The following CST7 variants were observed in gnomAD, a reference collection of about 807,000 sequenced individuals.
The protein encoded by CST7 is cystatin-F.
A neutral mutation model predicts 13.1 loss-of-function variants in CST7; 15 were observed. That is an observed-to-expected ratio of 1.14 (90% CI 0.77 to 1.76). The LOEUF (loss-of-function observed/expected upper bound fraction) is 1.76, where lower values mean the gene tolerates loss of function less well. CST7 is among the 40% of genes most tolerant of loss of function. The probability of loss-of-function intolerance (pLI) is 0.00; values close to 1 mark genes in which losing one functional copy is unlikely to be tolerated. For missense variants in CST7, 193 were observed against 178.8 expected, an observed-to-expected ratio of 1.08 and a Z score of -0.45; for synonymous variants, 75 against 66.9, an observed-to-expected ratio of 1.12 and a Z score of -0.59.
In CST7 at chr20:24,959,622, TTC is replaced by T. The variant is rs763418462; in HGVS notation, c.361-9_361-8del. On this transcript the variant is annotated splice_polypyrimidine_tract_variant and intron_variant, in intron 3 of 3. Transcript: ENST00000480798. ...AAAGTCTAAGCTCTCAGGTGTGCCC[TTC>T]TCTGTTTCAGACTCTGAGCTGCTAC... 4 of 1,613,892 alleles carry T rather than the reference TTC, an allele frequency of 2.5e-6. No homozygotes were observed. The highest frequency in any genetic ancestry group is 1.3e-5 in the African/African-American group (1 of 74,942).
intron 2 of CST7, among the ~76,000 whole-genome samples, chr20:24,958,600 A>C (rs1201983146): frequency 6.6e-6 from 1 of 152,204 alleles, no homozygotes; most frequent in African/African-American, 2.4e-5. Context: ...CACAAGAAAC[A>C]GCCATCATGG....
chr20:24,956,887 T>C (rs2087858288), intron 1 of CST7, among the ~76,000 whole-genome samples: 1 of 150,094 alleles, frequency 6.7e-6, no homozygotes, highest in Admixed American at 6.6e-5. Context: ...ACGTTGGAAA[T>C]AACCCTGGGT....
intron 3 of CST7, 120 bp downstream of exon 3, chr20:24,959,164 G>A: frequency 3.8e-6 from 3 of 790,420 alleles, no homozygotes; most frequent in Admixed American, 4.1e-5. Context: ...CACCCCTGAG[G>A]AAGCCAGGCC....
At chr20:24,956,138 C>A (rs1254503970) in intron 1 of CST7, among the ~76,000 whole-genome samples, 5 of 152,310 alleles carry the variant, frequency 3.3e-5, no homozygotes, top group Admixed American at 2.6e-4. Context: ...CGGCGCTGCA[C>A]CACCCAGCCT....
rs45470396 is a variant in CST7 at position 24,949,527 on chromosome 20, C to T, written c.22C>T (p.Leu8=). 3.3e-4 allele frequency: 534 copies of T among 1,614,146 alleles called. 2 individuals carry two copies. The highest frequency in any genetic ancestry group is 6.8e-4 in the Admixed American group (41 of 60,024). Residue 8 remains leucine, a synonymous_variant, in exon 1 of 4, where the codon CTG becomes TTG. Coordinates refer to ENST00000480798, the MANE Select transcript of CST7 (RefSeq NM_003650.4). ...AGCCATGCGAGCGGCTGGAACTCTG[C>T]TGGCCTTCTGCTGCCTGGTCTTGAG... MRAAGTL[L]AFCCLVLSTT...
chr20:24,955,886 G>C (rs1195488761), intron 1 of CST7, among the ~76,000 whole-genome samples: 2 of 152,202 alleles, frequency 1.3e-5, no homozygotes, highest in African/African-American at 4.8e-5. Context: ...ATTCTCTATG[G>C]GGTGGGGCAC....
rs779236038 is a variant in CST7 at position 24,954,666 on chromosome 20, CAT to C, written c.71-2620_71-2619del. On this transcript the variant is annotated intron_variant, in intron 1 of 3. Coordinates refer to ENST00000480798, the MANE Select transcript of CST7 (RefSeq NM_003650.4). Reference sequence around the variant, plus strand: ...GACTTGAAGCCTACATTTTAGGAAACATGTAGTTAAATAAAAAATACCAATTT... The same window carrying C: ...GACTTGAAGCCTACATTTTAGGAAACGTAGTTAAATAAAAAATACCAATTT... 8.8e-4 allele frequency among the ~76,000 whole-genome samples: 134 copies of C among 152,230 alleles called. 2 individuals are homozygous for C. Among genetic ancestry groups the C allele is most frequent in the Non-Finnish European group, 3.4e-4 (23 of 68,016 alleles).
intron 1 of CST7, among the ~76,000 whole-genome samples, chr20:24,955,650 C>T (rs1056441572): frequency 1.1e-4 from 17 of 152,226 alleles, no homozygotes; most frequent in South Asian, 2.1e-4. Context: ...CAGGTTTCAC[C>T]GTGTTTGCCA....
At chr20:24,956,786 G>A (rs1410156624) in intron 1 of CST7, among the ~76,000 whole-genome samples, 1 of 151,100 alleles carries the variant, frequency 6.6e-6, no homozygotes, top group Non-Finnish European at 1.5e-5. Context: ...ACCGCCCAGA[G>A]GGCCAGGCTG....
Position 24,949,318 on chromosome 20 carries a change from C to T in CST7, c.-188C>T, listed in dbSNP as rs936379209. ...CTCAGCACAGGCACAAACCATTGCC[C>T]GGCACTGGCCCGTGCTGCCTGAGAA... On this transcript the variant is annotated 5_prime_UTR_variant, in exon 1 of 4. Transcript: ENST00000480798. 2.3e-5 allele frequency: 35 copies of T among 1,499,106 alleles called. No individual in the cohort carries two copies. Among genetic ancestry groups the T allele is most frequent in the East Asian group, 1.8e-4 (8 of 43,454 alleles). 92.9% of individuals were successfully genotyped at this position (1,499,106 alleles called of 1,614,324 possible). A position where few individuals can be genotyped will look rare whatever the true frequency, so the allele number is the denominator to read the frequency against.
intron 2 of CST7, 142 bp downstream of exon 2, chr20:24,957,601 G>A: frequency 2.4e-6 from 2 of 835,466 alleles, no homozygotes; most frequent in South Asian, 3.4e-5. Flanking sequence ...AGATGCACAA[G>A]GGGTGGGAGT....
chr20:24,950,731 C>A (rs2087814041), intron 1 of CST7, among the ~76,000 whole-genome samples: 2 of 152,166 alleles, frequency 1.3e-5, no homozygotes, highest in Admixed American at 6.5e-5. Flanking sequence ...ACGCAAGGAG[C>A]CCTCCACCTG....
At position 24,949,529 on chromosome 20, in the gene CST7, G is replaced by T. The variant is rs45559431; in HGVS notation, c.24G>T (p.Leu8=). The T allele has an allele frequency of 2.0e-4, 326 of 1,614,116 alleles. No homozygotes were observed. The highest frequency in any genetic ancestry group is 2.7e-4 in the Non-Finnish European group (320 of 1,180,032). The part of the protein sequence containing the change: MRAAGTL[L]AFCCLVLSTT... ...CCATGCGAGCGGCTGGAACTCTGCT[G>T]GCCTTCTGCTGCCTGGTCTTGAGCA... The change falls in exon 1 of 4, where the codon CTG becomes CTT. Residue 8 remains leucine (L), a synonymous_variant. Transcript: ENST00000480798.
At chr20:24,954,275 A>G (rs566776119) in intron 1 of CST7, among the ~76,000 whole-genome samples, 43 of 152,346 alleles carry the variant, frequency 2.8e-4, no homozygotes, top group African/African-American at 1.0e-3. Context: ...ACATGAGAAG[A>G]AACAGCATCG....
intron 1 of CST7, among the ~76,000 whole-genome samples, chr20:24,951,664 G>A (rs2087819924): frequency 6.6e-6 from 1 of 152,128 alleles, no homozygotes; most frequent in African/African-American, 2.4e-5. Flanking sequence ...AAGCAACAGG[G>A]ACCCCAAGGG....
chr20:24,953,462 C>G (rs776917955), intron 1 of CST7, among the ~76,000 whole-genome samples: 1 of 152,146 alleles, frequency 6.6e-6, no homozygotes. Context: ...CTTGGGCCAG[C>G]AGCAGCCTGA....
chr20:24,958,923 T>C lies in CST7; in HGVS notation c.244-5T>C, dbSNP rs1338635977. Reference sequence around the variant, plus strand: ...CCAGTAACCCAGTCCCTTTGCTCCCTCCAGATAGTGAAAGGCCTGAAATAT... The same window carrying C: ...CCAGTAACCCAGTCCCTTTGCTCCCCCCAGATAGTGAAAGGCCTGAAATAT... On this transcript the variant is annotated splice_region_variant and splice_polypyrimidine_tract_variant and intron_variant, in intron 2 of 3. Transcript: ENST00000480798. 1 of 1,608,890 alleles carries C rather than the reference T, an allele frequency of 6.2e-7. No individual in the cohort carries two copies. The highest frequency in any genetic ancestry group is 8.5e-7 in the Non-Finnish European group (1 of 1,175,480).
chr20:24,957,662 C>T (rs1023665136), intron 2 of CST7, among the ~76,000 whole-genome samples: 1 of 152,132 alleles, frequency 6.6e-6, no homozygotes, highest in Non-Finnish European at 1.5e-5. Context: ...GCAAAGGTTA[C>T]ACAAAGCACA....
At chr20:24,957,178 GAC>G in intron 1 of CST7, 107 bp from the exon 2 acceptor site, 1 of 1,184,362 alleles carries the variant, frequency 8.4e-7, no homozygotes, top group Non-Finnish European at 1.2e-6. Context: ...GTAGGGCCAG[GAC>G]ACACACGCCA....
Sources: allele counts gnomAD v4.1 joint callset (sites outside exome capture counted in the v4.1 genomes callset), GRCh38; gene constraint gnomAD v4.1.1; transcripts MANE v1.5; gene names NCBI Gene and HGNC (gene_info 2026-07-23, HGNC 2026-07-21).